Variants in FGF12 observed in about 807,000 individuals in gnomAD.
The protein encoded by FGF12 is fibroblast growth factor 12B.
In FGF12, 14 loss-of-function variants were observed where a neutral mutation model predicts 23.6. The ratio of observed to expected loss-of-function variants is 0.59; its 90% CI spans 0.39 to 0.93. The LOEUF (loss-of-function observed/expected upper bound fraction) is 0.93. FGF12 is among the 40% of genes least tolerant of loss of function. FGF12 has a pLI of 0.00. For synonymous variants in FGF12, 62 were observed against 77.3 expected, an observed-to-expected ratio of 0.80 and a Z score of 1.04; for missense variants, 175 against 217.8, an observed-to-expected ratio of 0.80 and a Z score of 1.24.
chr3:192,338,482 A>G (rs1717528620), intron 3 of FGF12, among the ~76,000 whole-genome samples: 1 of 152,212 alleles, frequency 6.6e-6, no homozygotes, highest in East Asian at 1.9e-4. Context: ...GATGTAAGTC[A>G]TCACATCATT....
intron 4 of FGF12, among the ~76,000 whole-genome samples, chr3:192,296,692 A>T (rs913513601): frequency 1.3e-5 from 2 of 152,210 alleles, no homozygotes; most frequent in Non-Finnish European, 2.9e-5. Context: ...GCTCTTTATG[A>T]GTTTAATGCA....
At chr3:192,611,673 T>A (rs918856569) in intron 2 of FGF12, among the ~76,000 whole-genome samples, 2 of 151,990 alleles carry the variant, frequency 1.3e-5, no homozygotes, top group Non-Finnish European at 2.9e-5. Flanking sequence ...ACTTCCCACG[T>A]AACTGTCATA....
At chr3:192,172,495 G>C (rs994533617) in intron 4 of FGF12, among the ~76,000 whole-genome samples, 4 of 150,730 alleles carry the variant, frequency 2.7e-5, no homozygotes, top group African/African-American at 9.7e-5. Context: ...TTAATATTAT[G>C]TTTATATTAA....
chr3:192,283,295 T>C (rs932736188), intron 4 of FGF12, among the ~76,000 whole-genome samples: 1 of 152,126 alleles, frequency 6.6e-6, no homozygotes, highest in Non-Finnish European at 1.5e-5. Context: ...AAGTTCTTTG[T>C]CAGTTGTGAT....
At chr3:192,304,981 C>T (rs568557530) in intron 4 of FGF12, among the ~76,000 whole-genome samples, 6 of 150,952 alleles carry the variant, frequency 4.0e-5, no homozygotes, top group African/African-American at 1.5e-4. Flanking sequence ...TAAAGAAATA[C>T]TCATAAAAAC....
chr3:192,156,368 C>T (rs1027639990), intron 5 of FGF12, among the ~76,000 whole-genome samples: 4 of 152,132 alleles, frequency 2.6e-5, no homozygotes, highest in African/African-American at 9.7e-5. Context: ...CACTCAGGAC[C>T]TTGGGGCAAC....
chr3:192,190,442 A>C (rs1475209758), intron 4 of FGF12, among the ~76,000 whole-genome samples: 1 of 150,252 alleles, frequency 6.7e-6, no homozygotes, highest in East Asian at 1.9e-4. Flanking sequence ...GATAATTAAA[A>C]TCTGACAATC....
At chr3:192,169,446 T>C (rs1341713018) in intron 5 of FGF12, among the ~76,000 whole-genome samples, 1 of 152,192 alleles carries the variant, frequency 6.6e-6, no homozygotes, top group African/African-American at 2.4e-5. Flanking sequence ...GCTAGGGGCT[T>C]TGAATATCAC....
chr3:192,162,782 G>A (rs1714953294), intron 5 of FGF12, among the ~76,000 whole-genome samples: 1 of 152,042 alleles, frequency 6.6e-6, no homozygotes, highest in Admixed American at 6.6e-5. Flanking sequence ...TAAAACATCA[G>A]GACTCCTGAT....
chr3:192,167,215 G>C (rs2108612841), intron 5 of FGF12, among the ~76,000 whole-genome samples: 1 of 150,136 alleles, frequency 6.7e-6, no homozygotes, highest in African/African-American at 2.4e-5. Flanking sequence ...ACACCTAAGT[G>C]TGACTACCTG....
chr3:192,486,944 C>T (rs1348026335), intron 2 of FGF12, among the ~76,000 whole-genome samples: 1 of 152,078 alleles, frequency 6.6e-6, no homozygotes, highest in Non-Finnish European at 1.5e-5. Flanking sequence ...TTATTAAAAT[C>T]ATGAGATTTC....
intron 2 of FGF12, among the ~76,000 whole-genome samples, chr3:192,479,733 T>C (rs1482787837): frequency 1.3e-5 from 2 of 152,202 alleles, no homozygotes; most frequent in Admixed American, 6.5e-5. Flanking sequence ...ATGCCTCCAC[T>C]GTGCCCAGTT....
intron 2 of FGF12, among the ~76,000 whole-genome samples, chr3:192,633,315 G>A (rs1004465498): frequency 6.6e-6 from 1 of 151,972 alleles, no homozygotes; most frequent in African/African-American, 2.4e-5. Flanking sequence ...CAAAGTGTTG[G>A]GATTACAGGT....
At chr3:192,567,769 CTTTCTTTCTT>C (rs1303516258) in intron 2 of FGF12, among the ~76,000 whole-genome samples, 1 of 133,470 alleles carries the variant, frequency 7.5e-6, no homozygotes, top group East Asian at 2.1e-4. Flanking sequence ...TTCTTTCTTT[CTTTCTTTCTT>C]TCTTTCTTTC....
intron 2 of FGF12, among the ~76,000 whole-genome samples, chr3:192,528,772 T>C (rs1363395021): frequency 6.6e-6 from 1 of 152,174 alleles, no homozygotes; most frequent in Non-Finnish European, 1.5e-5. Context: ...GAACTCCACA[T>C]TGGAACTACC....
intron 2 of FGF12, among the ~76,000 whole-genome samples, chr3:192,577,689 T>C (rs764856907): frequency 4.6e-5 from 7 of 152,228 alleles, no homozygotes; most frequent in Non-Finnish European, 1.0e-4. Context: ...TAATTTGTCA[T>C]TATATATTTG....
At chr3:192,281,459 C>A (rs192633895) in intron 4 of FGF12, among the ~76,000 whole-genome samples, 45 of 152,202 alleles carry the variant, frequency 3.0e-4, no homozygotes, top group Non-Finnish European at 4.4e-5. Context: ...AAGCCTATTT[C>A]CAAATAAGGT....
chr3:192,166,436 T>C (rs1352916070), intron 5 of FGF12, among the ~76,000 whole-genome samples: 1 of 152,234 alleles, frequency 6.6e-6, no homozygotes, highest in Non-Finnish European at 1.5e-5. Flanking sequence ...TAGGTCCCAC[T>C]ATATTGAAGT....
At chr3:192,549,289 G>T (rs758512744) in intron 2 of FGF12, among the ~76,000 whole-genome samples, 1 of 152,040 alleles carries the variant, frequency 6.6e-6, no homozygotes, top group Non-Finnish European at 1.5e-5. Context: ...AAAAATAAAA[G>T]AACAGATTCT....
Sources: allele counts gnomAD v4.1 joint callset (sites outside exome capture counted in the v4.1 genomes callset), GRCh38; gene constraint gnomAD v4.1.1; transcripts MANE v1.5; gene names NCBI Gene and HGNC (gene_info 2026-07-23, HGNC 2026-07-21).